KAT6A: variants seen among roughly 807,000 people sequenced by gnomAD.
The protein encoded by KAT6A is lysine acetyltransferase 6A.
KAT6A carries 9 observed loss-of-function variants against 198.4 expected under a neutral mutation model. The observed-to-expected ratio is 0.05, with a 90% CI of 0.03 to 0.08. The LOEUF (loss-of-function observed/expected upper bound fraction) is 0.08. KAT6A is among the 10% of genes least tolerant of loss of function. The probability of loss-of-function intolerance (pLI) is 1.00; values close to 1 mark genes in which losing one functional copy is unlikely to be tolerated. For synonymous variants in KAT6A, 890 were observed against 883.0 expected, an observed-to-expected ratio of 1.01 and a Z score of -0.14; for missense variants, 2,077 against 2,509.9, an observed-to-expected ratio of 0.83 and a Z score of 3.69.
chr8:41,962,827 T>C (rs1186694161), intron 8 of KAT6A, among the ~76,000 whole-genome samples: 2 of 152,182 alleles, frequency 1.3e-5, no homozygotes, highest in Non-Finnish European at 2.9e-5. Context: ...CTGGCCTCCT[T>C]GTACTTCCTT....
rs757641831 is a variant in KAT6A, at chr8:41,934,747, C to T, written c.3473G>A (p.Arg1158His). The T allele has an allele frequency of 1.9e-6, 3 of 1,614,112 alleles. No homozygotes were observed. Among genetic ancestry groups the T allele is most frequent in the Non-Finnish European group, 1.7e-6 (2 of 1,180,036 alleles). The change falls in exon 17 of 17, where the codon CGC becomes CAC. Residue 1158 changes from arginine to histidine, a missense_variant. Physicochemically the swap from Arg to His is conservative, Grantham distance 29. Coordinates refer to ENST00000265713, the MANE Select transcript of KAT6A (RefSeq NM_006766.5). ...KKKGWPKGKS[R>H]KPIHWKKRPG... Reference sequence around the variant, plus strand: ...TCTTTTCTTCCAGTGGATTGGTTTGCGGCTCTTGCCTTTGGGCCATCCCTT... The same window carrying T: ...TCTTTTCTTCCAGTGGATTGGTTTGTGGCTCTTGCCTTTGGGCCATCCCTT...
chr8:41,972,850 AAAAAAAAATTCTTTCAGTCAGGAAG>A (rs1823864710), intron 8 of KAT6A, among the ~76,000 whole-genome samples: 2 of 151,662 alleles, frequency 1.3e-5, no homozygotes, highest in African/African-American at 4.9e-5. Flanking sequence ...TCGGGAGGAG[AAAAAAAAATTCTTTCAGTCAGGAAG>A]AACATAACTA....
At position 41,932,583 on chromosome 8, in the gene KAT6A, T is replaced by C. The variant is rs377096572; in HGVS notation, c.5637A>G (p.Pro1879=). 31 of 1,614,120 alleles carry C rather than the reference T, an allele frequency of 1.9e-5. No individual in the cohort carries two copies. Among genetic ancestry groups the C allele is most frequent in the African/African-American group, 2.7e-5 (2 of 74,966 alleles). The change falls in exon 17 of 17, where the codon CCA becomes CCG. Residue 1879 remains proline (P), a synonymous_variant. Coordinates refer to ENST00000265713, the MANE Select transcript of KAT6A (RefSeq NM_006766.5). ...GGCCAGCCTGCATGGCAACTGCCGA[T>C]GGGCTACGGCCATACAGCTGCTGCT... is the stretch of plus-strand genomic sequence containing the variant. The part of the protein sequence containing the change: ...AHQQQLYGRS[P]SAVAMQAGPR...
chr8:41,977,696 T>G (rs1824130721), intron 6 of KAT6A, among the ~76,000 whole-genome samples: 1 of 152,188 alleles, frequency 6.6e-6, no homozygotes, highest in South Asian at 2.1e-4. Context: ...CTTCCAGGTA[T>G]AAAGTTCTAC....
chr8:41,999,652 C>T (rs1250660323), intron 2 of KAT6A, among the ~76,000 whole-genome samples: 1 of 152,176 alleles, frequency 6.6e-6, no homozygotes, highest in Non-Finnish European at 1.5e-5. Context: ...ACCTTTCTCA[C>T]TCTATCTTCC....
intron 10 of KAT6A, among the ~76,000 whole-genome samples, chr8:41,948,766 C>A (rs1587729796): frequency 6.9e-6 from 1 of 145,514 alleles, no homozygotes; most frequent in Non-Finnish European, 1.5e-5. Context: ...GGGATCCTGA[C>A]AATCTGAAAT....
intron 2 of KAT6A, among the ~76,000 whole-genome samples, chr8:41,988,988 A>C (rs1259164318): frequency 2.0e-5 from 3 of 152,196 alleles, no homozygotes; most frequent in Non-Finnish European, 4.4e-5. Flanking sequence ...AGAACAGATA[A>C]AGTACAATAA....
At chr8:41,994,488 C>G (rs1242969617) in intron 2 of KAT6A, among the ~76,000 whole-genome samples, 2 of 151,916 alleles carry the variant, frequency 1.3e-5, no homozygotes, top group Non-Finnish European at 2.9e-5. Flanking sequence ...TGCTTTCCTT[C>G]TATATCTAGA....
intron 2 of KAT6A, among the ~76,000 whole-genome samples, chr8:42,042,633 T>C (rs1173718285): frequency 5.9e-5 from 9 of 152,326 alleles, no homozygotes; most frequent in African/African-American, 1.7e-4. Context: ...AGATTTATCA[T>C]TGGATCTTTC....
chr8:41,941,155 G>A lies in KAT6A; in HGVS notation c.2726C>T (p.Thr909Ile). 1 of 1,614,140 alleles carries A rather than the reference G, an allele frequency of 6.2e-7. No individual in the cohort carries two copies. Among genetic ancestry groups the A allele is most frequent in the South Asian group, 1.1e-5 (1 of 91,080 alleles). The stretch of plus-strand genomic sequence containing the variant: ...TTCACTTTCAGTGTATTGTTCCTGG[G>A]TGGCTTCTGATTTCTCCCCACATTC... ...YGECGEKSEATQEQYTESEEQ... is the reference protein window; with the variant it reads ...YGECGEKSEAIQEQYTESEEQ... The change falls in exon 15 of 17, where the codon ACC (threonine) becomes ATC (isoleucine). Residue 909 changes from threonine (T) to isoleucine (I), a missense_variant. This residue lies in a region of KAT6A where 301 missense variants were observed against 272.2 expected (regional missense o/e 1.11). Transcript: ENST00000265713.
intron 9 of KAT6A, among the ~76,000 whole-genome samples, chr8:41,949,681 A>C (rs955460415): frequency 6.6e-6 from 1 of 152,214 alleles, no homozygotes; most frequent in Non-Finnish European, 1.5e-5. Flanking sequence ...AAAATGTTTG[A>C]TTTGTGTGAA....
chr8:42,041,278 T>C (rs935560915), intron 2 of KAT6A, among the ~76,000 whole-genome samples: 6 of 152,058 alleles, frequency 3.9e-5, no homozygotes, highest in African/African-American at 1.4e-4. Flanking sequence ...TATTTTTAAA[T>C]TTCTGAATTT....
intron 2 of KAT6A, among the ~76,000 whole-genome samples, chr8:42,034,908 C>T (rs1013647122): frequency 3.3e-5 from 5 of 152,178 alleles, no homozygotes; most frequent in African/African-American, 1.2e-4. Flanking sequence ...AAGCAAATTA[C>T]CCAAGGTCAT....
chr8:42,035,328 T>C (rs1030936255), intron 2 of KAT6A, among the ~76,000 whole-genome samples: 6 of 152,148 alleles, frequency 3.9e-5, no homozygotes, highest in African/African-American at 9.7e-5. Context: ...ATCTGAGCCA[T>C]TGTGAATCTG....
In KAT6A at chr8:42,028,029, G is replaced by GT. The variant is rs1826923138; in HGVS notation, c.600+20348dup. Among the ~76,000 whole-genome samples the GT allele has an allele frequency of 2.0e-5, 3 of 152,148 alleles. No homozygotes were observed. In the South Asian group the frequency reaches 6.2e-4, roughly 32 times the overall value. ...CCCAGTGATTGTTCGGGAGCATGCT[G>GT]TTTAATTTCCTTGTATTTATATAGT... On this transcript the variant is annotated intron_variant, in intron 2 of 16. Coordinates refer to ENST00000265713, the MANE Select transcript of KAT6A (RefSeq NM_006766.5).
chr8:42,030,620 A>C (rs907436498), intron 2 of KAT6A, among the ~76,000 whole-genome samples: 8 of 151,878 alleles, frequency 5.3e-5, no homozygotes, highest in African/African-American at 1.9e-4. Context: ...GCTGGAGTGC[A>C]GTGGCGGGAT....
chr8:41,950,754 T>C (rs1328496160), intron 9 of KAT6A, among the ~76,000 whole-genome samples: 1 of 152,214 alleles, frequency 6.6e-6, no homozygotes, highest in Non-Finnish European at 1.5e-5. Context: ...ATCCAACTGT[T>C]AGGTCTCAGC....
At chr8:42,030,632 T>C (rs867501466) in intron 2 of KAT6A, among the ~76,000 whole-genome samples, 3 of 152,042 alleles carry the variant, frequency 2.0e-5, no homozygotes, top group African/African-American at 4.8e-5. Context: ...TGGCGGGATC[T>C]TGGTTCACCG....
chr8:42,004,921 T>G (rs1190163832), intron 2 of KAT6A, among the ~76,000 whole-genome samples: 3 of 150,934 alleles, frequency 2.0e-5, no homozygotes, highest in Non-Finnish European at 4.4e-5. Flanking sequence ...AGAGTGAAAC[T>G]CCGTCTCTAA....
Sources: allele counts gnomAD v4.1 joint callset (sites outside exome capture counted in the v4.1 genomes callset), GRCh38; gene constraint gnomAD v4.1.1; regional missense constraint gnomAD v4.1.1; transcripts MANE v1.5; gene names NCBI Gene and HGNC (gene_info 2026-07-23, HGNC 2026-07-21).